Variants in LPP observed in about 807,000 individuals in gnomAD.
LPP encodes the protein lipoma-preferred partner.
A neutral mutation model predicts 60.4 loss-of-function variants in LPP; 38 were observed. The ratio of observed to expected loss-of-function variants is 0.63; its 90% CI spans 0.49 to 0.83. The LOEUF is 0.83. Among genes scored for constraint, LPP ranks in the 40% least tolerant of loss-of-function variants. The pLI is 0.00. For synonymous variants in LPP, 328 were observed against 290.8 expected (o/e 1.13, Z -1.30); for missense variants, 902 against 783.6 (o/e 1.15, Z -1.80).
At chr3:188,254,849 G>A (rs1414748642) in intron 2 of LPP, among the ~76,000 whole-genome samples, 2 of 152,106 alleles carry the variant, frequency 1.3e-5, no homozygotes, top group African/African-American at 4.8e-5. Flanking sequence ...GACAGGAATG[G>A]ATACCTAAAT....
At chr3:188,588,548 G>A (rs75438236) in intron 6 of LPP, among the ~76,000 whole-genome samples, 3,025 of 152,256 alleles carry the variant, frequency 0.02, 100 homozygotes, top group African/African-American at 0.07. Context: ...GATACCAACA[G>A]TAGCTTATGC....
Position 188,659,810 on chromosome 3 carries a change from G to GCACACACACACA in LPP, c.1114-48438_1114-48427dup, listed in dbSNP as rs139762080. On this transcript the variant is annotated intron_variant, in intron 7 of 11. Transcript: ENST00000617246. ...TTCTCCTTGTGGGGTTAGATCCTATGCACACACACACACACACACACACAC... is the reference window on the plus strand; with the variant it reads ...TTCTCCTTGTGGGGTTAGATCCTATGCACACACACACACACACACACACACACACACACACAC... Among the ~76,000 whole-genome samples, 547 of 128,576 alleles carry GCACACACACACA rather than the reference G, an allele frequency of 4.3e-3. 2 individuals are homozygous for GCACACACACACA. Among genetic ancestry groups the GCACACACACACA allele is most frequent in the African/African-American group, 0.014 (520 of 37,774 alleles). The allele number at this position is 128,576 out of a possible 152,430, so 84.4% of individuals were successfully genotyped here.
chr3:188,235,246 C>A (rs1275497564), intron 2 of LPP, among the ~76,000 whole-genome samples: 1 of 152,078 alleles, frequency 6.6e-6, no homozygotes, highest in Non-Finnish European at 1.5e-5. Flanking sequence ...AGAGTTCTGG[C>A]AGCAGTGGGT....
At chr3:188,734,654 G>A (rs1364157974) in intron 8 of LPP, among the ~76,000 whole-genome samples, 1 of 152,238 alleles carries the variant, frequency 6.6e-6, no homozygotes, top group Non-Finnish European at 1.5e-5. Flanking sequence ...GTAACAGCCT[G>A]TGGAACCTCC....
At chr3:188,197,536 C>T (rs983849012) in intron 1 of LPP, among the ~76,000 whole-genome samples, 4 of 152,140 alleles carry the variant, frequency 2.6e-5, no homozygotes, top group African/African-American at 9.7e-5. Flanking sequence ...TTCTCCTTCA[C>T]AGCCGCCTTT....
chr3:188,770,048 A>C (rs3942480), intron 9 of LPP, among the ~76,000 whole-genome samples: 1 of 152,090 alleles, frequency 6.6e-6, no homozygotes, highest in Admixed American at 6.6e-5. Context: ...TTAGTTATAC[A>C]CTTCATTAGG....
intron 7 of LPP, among the ~76,000 whole-genome samples, chr3:188,643,750 G>A (rs371590554): frequency 2.0e-5 from 3 of 152,148 alleles, no homozygotes; most frequent in African/African-American, 7.2e-5. Context: ...CCGTATTTCA[G>A]TAGCGTCTAT....
intron 7 of LPP, among the ~76,000 whole-genome samples, chr3:188,613,537 A>C (rs933692808): frequency 2.0e-5 from 3 of 152,120 alleles, no homozygotes; most frequent in African/African-American, 7.2e-5. Flanking sequence ...GGGGCTGTGC[A>C]TTCCAGGGAA....
At chr3:188,498,925 T>C (rs1029089359) in intron 5 of LPP, among the ~76,000 whole-genome samples, 4 of 152,238 alleles carry the variant, frequency 2.6e-5, no homozygotes, top group Non-Finnish European at 4.4e-5. Flanking sequence ...TATTCATGTA[T>C]GTATTAGCCA....
intron 1 of LPP, among the ~76,000 whole-genome samples, chr3:188,184,986 A>G (rs1235586522): frequency 1.3e-5 from 2 of 152,138 alleles, no homozygotes; most frequent in African/African-American, 2.4e-5. Flanking sequence ...GCACAGGTAC[A>G]GTGTGAAATT....
At chr3:188,759,271 C>T (rs1453352435) in intron 8 of LPP, 1 of 152,158 alleles carries the variant, frequency 6.6e-6, no homozygotes, top group Non-Finnish European at 1.5e-5. Context: ...AGGCCAGATG[C>T]CACATTAATC....
chr3:188,192,137 A>G (rs758031400), intron 1 of LPP, among the ~76,000 whole-genome samples: 1 of 152,244 alleles, frequency 6.6e-6, no homozygotes, highest in Non-Finnish European at 1.5e-5. Flanking sequence ...TTATACCACT[A>G]TCTTATAGCA....
At chr3:188,444,105 A>G (rs1794667110) in intron 4 of LPP, among the ~76,000 whole-genome samples, 1 of 152,254 alleles carries the variant, frequency 6.6e-6, no homozygotes, top group Admixed American at 6.5e-5. Context: ...CAACCTGGAA[A>G]TTTTCTCTTT....
chr3:188,800,370 C>T lies in LPP; in HGVS notation c.1410+40088C>T, dbSNP rs538520730. On this transcript the variant is annotated intron_variant, in intron 9 of 11. Transcript: ENST00000617246. ...ACGCCATTCTCCTGCCTCAGCCTCC[C>T]GAGTAGCTGGGACTACAGGTGTCTG... Among the ~76,000 whole-genome samples the T allele has an allele frequency of 6.6e-5, 10 of 151,526 alleles. No individual in the cohort carries two copies. In the South Asian group the frequency reaches 1.7e-3, roughly 25 times the overall value.
intron 2 of LPP, among the ~76,000 whole-genome samples, chr3:188,273,300 G>C (rs999545489): frequency 6.6e-6 from 1 of 152,148 alleles, no homozygotes; most frequent in Non-Finnish European, 1.5e-5. Context: ...GCACCACGAT[G>C]GAAAACAGAA....
At chr3:188,515,638 T>C (rs1252083935) in intron 5 of LPP, among the ~76,000 whole-genome samples, 1 of 152,228 alleles carries the variant, frequency 6.6e-6, no homozygotes, top group Non-Finnish European at 1.5e-5. Flanking sequence ...CCCTTATGAA[T>C]GCTCTAGTGT....
intron 5 of LPP, among the ~76,000 whole-genome samples, chr3:188,488,535 G>C (rs1486906250): frequency 6.6e-6 from 1 of 152,124 alleles, no homozygotes; most frequent in Admixed American, 6.5e-5. Context: ...CTTCTTGTAA[G>C]TAGACATATA....
intron 7 of LPP, among the ~76,000 whole-genome samples, chr3:188,705,255 G>C (rs1365094934): frequency 6.6e-6 from 1 of 152,132 alleles, no homozygotes; most frequent in Non-Finnish European, 1.5e-5. Flanking sequence ...TAAATAAACT[G>C]TAGTTACTTT....
chr3:188,277,203 C>T (rs1740276959), intron 2 of LPP, among the ~76,000 whole-genome samples: 1 of 152,070 alleles, frequency 6.6e-6, no homozygotes, highest in East Asian at 1.9e-4. Flanking sequence ...CTCACCTGGC[C>T]AACCTCTTTT....
Sources: allele counts gnomAD v4.1 joint callset (sites outside exome capture counted in the v4.1 genomes callset), GRCh38; gene constraint gnomAD v4.1.1; transcripts MANE v1.5; gene names NCBI Gene and HGNC (gene_info 2026-07-23, HGNC 2026-07-21).